Variants in NOS1AP observed in about 807,000 individuals in gnomAD.
NOS1AP encodes the protein carboxyl-terminal PDZ ligand of neuronal nitric oxide synthase protein.
In NOS1AP, 21 loss-of-function variants were observed where a neutral mutation model predicts 56.2. That is an observed-to-expected ratio of 0.37 (90% CI 0.26 to 0.54). The LOEUF is 0.54. NOS1AP is among the 20% of genes least tolerant of loss of function. NOS1AP has a pLI of 0.84. For missense variants in NOS1AP, 522 were observed against 657.8 expected, an observed-to-expected ratio of 0.79 and a Z score of 2.26; for synonymous variants, 270 against 274.6, an observed-to-expected ratio of 0.98 and a Z score of 0.17.
At position 162,207,525 on chromosome 1, in the gene NOS1AP, G is replaced by A. The variant is rs541727811; in HGVS notation, c.177+53049G>A. On this transcript the variant is annotated intron_variant, in intron 2 of 9. Coordinates refer to ENST00000361897, the MANE Select transcript of NOS1AP (RefSeq NM_014697.3). ...CAGTCAGTTTCCTCATTTTAGAAGT[G>A]GTAATACCAGGTACTTTACAGGGTT... Among the ~76,000 whole-genome samples, 15 of 152,294 alleles carry A rather than the reference G, an allele frequency of 9.8e-5. 1 individual carries two copies. The highest frequency in any genetic ancestry group is 3.6e-4 in the African/African-American group (15 of 41,568).
chr1:162,295,465 C>A (rs1390970834), intron 3 of NOS1AP, among the ~76,000 whole-genome samples: 2 of 151,886 alleles, frequency 1.3e-5, no homozygotes, highest in Non-Finnish European at 2.9e-5. Context: ...ATTTATAATC[C>A]CATAGGTTTG....
intron 1 of NOS1AP, among the ~76,000 whole-genome samples, chr1:162,136,287 AT>A (rs1648998539): frequency 6.6e-6 from 1 of 152,100 alleles, no homozygotes; most frequent in African/African-American, 2.4e-5. Flanking sequence ...TTATTTATTT[AT>A]TTTTTAATGT....
intron 3 of NOS1AP, among the ~76,000 whole-genome samples, chr1:162,294,447 T>G (rs1655384642): frequency 6.6e-6 from 1 of 152,092 alleles, no homozygotes; most frequent in African/African-American, 2.4e-5. Flanking sequence ...AATTTCAGAG[T>G]GCAGCAGCTG....
intron 1 of NOS1AP, among the ~76,000 whole-genome samples, chr1:162,131,565 A>C (rs1363621434): frequency 6.6e-6 from 1 of 151,778 alleles, no homozygotes; most frequent in African/African-American, 2.4e-5. Context: ...TCTCATTTAG[A>C]TTGGTAAACA....
rs1286471773 is a variant in NOS1AP, at chr1:162,364,906, T to A, written c.940-498T>A. The A allele has an allele frequency of 7.0e-6, 7 of 1,002,276 alleles. No individual in the cohort carries two copies. In the Middle Eastern group the frequency reaches 2.1e-3, roughly 294 times the overall value. 62.1% of individuals were successfully genotyped at this position (1,002,276 alleles called of 1,614,324 possible). On this transcript the variant is annotated intron_variant, in intron 8 of 9. Coordinates refer to ENST00000361897, the MANE Select transcript of NOS1AP (RefSeq NM_014697.3). ...AGGGAGAAAGATTATATGGGCTTCG[T>A]TGTGACACTGTTCTTAGCCAGTGGG...
At chr1:162,138,398 A>T (rs1322264382) in intron 1 of NOS1AP, among the ~76,000 whole-genome samples, 1 of 152,156 alleles carries the variant, frequency 6.6e-6, no homozygotes, top group African/African-American at 2.4e-5. Context: ...AGGAGTTTGC[A>T]GTTTTTAGAA....
At chr1:162,138,423 C>T (rs1252869400) in intron 1 of NOS1AP, among the ~76,000 whole-genome samples, 1 of 152,148 alleles carries the variant, frequency 6.6e-6, no homozygotes, top group Admixed American at 6.5e-5. Context: ...TATAAAAATA[C>T]ATACATTGAA....
In NOS1AP at chr1:162,125,130, C is replaced by CTTTTTTTTTTTTTTTTTTTTTTT. The variant is rs56264198; in HGVS notation, c.106-29254_106-29253insTTTTTTTTTTTTTTTTTTTTTTT. On this transcript the variant is annotated intron_variant, in intron 1 of 9. Transcript: ENST00000361897. ...ATGCCAACATCTATTGTTTCTGACT[C>CTTTTTTTTTTTTTTTTTTTTTTT]TTTTTTTTTTTTTTTTTTTTTAAGA... Among the ~76,000 whole-genome samples the CTTTTTTTTTTTTTTTTTTTTTTT allele has an allele frequency of 4.8e-5, 6 of 124,138 alleles. 1 individual carries two copies. The highest frequency in any genetic ancestry group is 1.9e-4 in the African/African-American group (6 of 30,954). The allele number at this position is 124,138 out of a possible 152,430, so 81.4% of individuals were successfully genotyped here.
At chr1:162,222,593 C>A (rs1198396164) in intron 2 of NOS1AP, among the ~76,000 whole-genome samples, 8 of 152,158 alleles carry the variant, frequency 5.3e-5, no homozygotes, top group Non-Finnish European at 1.0e-4. Context: ...TTATTTGATG[C>A]TAACTCTGCC....
intron 1 of NOS1AP, among the ~76,000 whole-genome samples, chr1:162,083,374 C>T (rs903694879): frequency 1.3e-5 from 2 of 152,292 alleles, no homozygotes; most frequent in South Asian, 4.1e-4. Context: ...TCCATAAACA[C>T]ACATAGCCTC....
intron 6 of NOS1AP, among the ~76,000 whole-genome samples, chr1:162,351,625 A>G (rs576029917): frequency 1.3e-5 from 2 of 152,176 alleles, no homozygotes; most frequent in South Asian, 2.1e-4. Context: ...CACCCAAATT[A>G]TCTGCTATTG....
At chr1:162,278,543 G>T (rs935398421) in intron 2 of NOS1AP, among the ~76,000 whole-genome samples, 6 of 152,070 alleles carry the variant, frequency 3.9e-5, no homozygotes, top group African/African-American at 1.4e-4. Context: ...GAGGTAAATT[G>T]AGCCCTAGAA....
intron 1 of NOS1AP, among the ~76,000 whole-genome samples, chr1:162,144,572 C>CTTTTG (rs1553258969): frequency 8.2e-5 from 1 of 12,138 alleles, no homozygotes; most frequent in South Asian, 6.5e-4. Flanking sequence ...GTTGGACTTT[C>CTTTTG]TTTTCTTTTC....
chr1:162,112,497 A>G (rs1647748744), intron 1 of NOS1AP, among the ~76,000 whole-genome samples: 1 of 152,158 alleles, frequency 6.6e-6, no homozygotes, highest in African/African-American at 2.4e-5. Flanking sequence ...AGTTGAAGGG[A>G]TTAGACCAAT....
rs915766052 is a variant in NOS1AP at position 162,261,395 on chromosome 1, A to T, written c.178-25949A>T. Among the ~76,000 whole-genome samples, 6 of 131,268 alleles carry T rather than the reference A, an allele frequency of 4.6e-5. 2 individuals carry two copies. The highest frequency in any genetic ancestry group is 1.8e-4 in the African/African-American group (6 of 33,024). The allele number at this position is 131,268 out of a possible 152,430, so 86.1% of individuals were successfully genotyped here. On this transcript the variant is annotated intron_variant, in intron 2 of 9. Transcript: ENST00000361897. ...AAACTTTTAAGAATCTTGAGATGGGAGATTACCCTGCATTATCCAGGTGGG... is the reference window on the plus strand; with the variant it reads ...AAACTTTTAAGAATCTTGAGATGGGTGATTACCCTGCATTATCCAGGTGGG...
At chr1:162,337,286 G>A (rs1341535020) in intron 5 of NOS1AP, among the ~76,000 whole-genome samples, 1 of 152,196 alleles carries the variant, frequency 6.6e-6, no homozygotes, top group Non-Finnish European at 1.5e-5. Flanking sequence ...ATTGGTTTGG[G>A]TTAGGAGAAA....
chr1:162,360,339 C>T (rs770906636), intron 8 of NOS1AP, among the ~76,000 whole-genome samples: 1 of 152,176 alleles, frequency 6.6e-6, no homozygotes, highest in South Asian at 2.1e-4. Context: ...TTTAGGTGGA[C>T]CAGAAGTTCA....
At chr1:162,098,051 A>G (rs948679308) in intron 1 of NOS1AP, among the ~76,000 whole-genome samples, 2 of 148,754 alleles carry the variant, frequency 1.3e-5, no homozygotes, top group African/African-American at 5.0e-5. Flanking sequence ...TTAGGTCTTC[A>G]TTAATGAATT....
At chr1:162,291,587 C>G (rs900741533) in intron 3 of NOS1AP, among the ~76,000 whole-genome samples, 1 of 152,056 alleles carries the variant, frequency 6.6e-6, no homozygotes, top group African/African-American at 2.4e-5. Context: ...GTTCAGGTGA[C>G]TGTAATCTTC....
Sources: gnomAD v4.1 joint callset for allele counts (sites outside exome capture counted in the v4.1 genomes callset) on GRCh38, gnomAD v4.1.1 for gene constraint, MANE v1.5 for transcripts, NCBI Gene and HGNC (gene_info 2026-07-23, HGNC 2026-07-21) for gene names.